SLIT1: variants seen among roughly 807,000 people sequenced by gnomAD.
SLIT1 encodes the protein slit guidance ligand 1, also known as slit homolog 1 protein.
Under a neutral mutation model 186.1 loss-of-function variants are expected in SLIT1, and 66 were observed. That is an observed-to-expected ratio of 0.35 (90% CI 0.29 to 0.44). The LOEUF (loss-of-function observed/expected upper bound fraction) is 0.44, where lower values mean the gene tolerates loss of function less well. SLIT1 is among the 20% of genes least tolerant of loss of function. The pLI, the probability that SLIT1 is intolerant of heterozygous loss-of-function variation, is 1.00. For synonymous variants in SLIT1, 761 were observed against 833.8 expected (o/e 0.91, Z 1.50); for missense variants, 1,638 against 2,037.4 (o/e 0.80, Z 3.77).
At chr10:97,180,540 C>G (rs1272883470) in intron 1 of SLIT1, among the ~76,000 whole-genome samples, 2 of 152,264 alleles carry the variant, frequency 1.3e-5, no homozygotes, top group African/African-American at 2.4e-5. Flanking sequence ...TGCAGACGTT[C>G]AATAGATAGC....
intron 25 of SLIT1, among the ~76,000 whole-genome samples, chr10:97,027,098 C>T (rs1375299345): frequency 6.6e-6 from 1 of 152,178 alleles, no homozygotes; most frequent in Non-Finnish European, 1.5e-5. Flanking sequence ...TTCTCAGTAA[C>T]ATCAGCACCT....
chr10:97,004,897 A>G lies in SLIT1; in HGVS notation c.3580-74T>C, dbSNP rs547629553. Reference sequence around the variant, plus strand: ...GCACAGGCTAGCAGATGGGGCAGAGAGGGCACCCAAGATTGGAAGAGAGAT... The same window carrying G: ...GCACAGGCTAGCAGATGGGGCAGAGGGGGCACCCAAGATTGGAAGAGAGAT... On this transcript the variant is annotated intron_variant, in intron 32 of 36. Transcript: ENST00000266058. The surrounding 1 kb of genome is among the most constrained non-coding windows in gnomAD (Gnocchi z 5.1). The G allele has an allele frequency of 1.0e-5, 16 of 1,563,602 alleles. No individual in the cohort carries two copies. The East Asian group carries it at 1.8e-4, about 18-fold the overall frequency.
chr10:97,087,372 CCAAA>C (rs1183733170), intron 4 of SLIT1, among the ~76,000 whole-genome samples: 7 of 152,360 alleles, frequency 4.6e-5, no homozygotes, highest in African/African-American at 9.6e-5. Flanking sequence ...CCCTGTTCCC[CCAAA>C]CAAACACTTT....
chr10:97,178,963 G>A (rs1850294160), intron 1 of SLIT1, among the ~76,000 whole-genome samples: 1 of 152,108 alleles, frequency 6.6e-6, no homozygotes, highest in African/African-American at 2.4e-5. Flanking sequence ...TCGCCCCTCA[G>A]GGGGTTTTGC....
At chr10:97,141,761 C>CGTATTGCATTGCATTGTATTGTATT (rs1564686539) in intron 4 of SLIT1, among the ~76,000 whole-genome samples, 2 of 148,862 alleles carry the variant, frequency 1.3e-5, no homozygotes, top group Non-Finnish European at 3.0e-5. Context: ...CGTATCGTAT[C>CGTATTGCATTGCATTGTATTGTATT]GTATTGTATC....
chr10:97,117,956 T>C (rs758459207), intron 4 of SLIT1, among the ~76,000 whole-genome samples: 1 of 152,222 alleles, frequency 6.6e-6, no homozygotes, highest in Non-Finnish European at 1.5e-5. Context: ...CAGCCTCAGA[T>C]TCTCAATAAG....
At chr10:97,073,295 C>T (rs1170443472) in intron 4 of SLIT1, among the ~76,000 whole-genome samples, 1 of 152,226 alleles carries the variant, frequency 6.6e-6, no homozygotes, top group Admixed American at 6.5e-5. Flanking sequence ...CTTCCTCAGA[C>T]CCAGTCATTG....
At chr10:97,056,262 C>A (rs971274137) in intron 13 of SLIT1, 59 bp downstream of exon 13, 1 of 1,588,546 alleles carries the variant, frequency 6.3e-7, no homozygotes, top group Non-Finnish European at 8.6e-7. Flanking sequence ...CTGGAGGCTG[C>A]AACCTCCCCC....
At chr10:97,146,784 G>A (rs34170350) in intron 4 of SLIT1, among the ~76,000 whole-genome samples, 19,280 of 152,146 alleles carry the variant, frequency 0.13, 1,280 homozygotes, top group South Asian at 0.18. Flanking sequence ...AGAAATGGGC[G>A]GCGCCCCTTT....
chr10:97,014,906 G>C lies in SLIT1; in HGVS notation c.2970-748C>G, dbSNP rs1465333230. Among the ~76,000 whole-genome samples the C allele has an allele frequency of 4.0e-5, 6 of 151,064 alleles. No homozygotes were observed. In the South Asian group the frequency reaches 1.1e-3, roughly 26 times the overall value. The stretch of plus-strand genomic sequence containing the variant: ...GCCTAGAGTGGAAGGGAACCCCACA[G>C]CTAGTCTTCTATAGGGGCCCTGCCC... On this transcript the variant is annotated intron_variant, in intron 28 of 36. Coordinates refer to ENST00000266058, the MANE Select transcript of SLIT1 (RefSeq NM_003061.3).
intron 32 of SLIT1, among the ~76,000 whole-genome samples, chr10:97,005,412 C>T (rs953998759): frequency 3.3e-5 from 5 of 152,210 alleles, no homozygotes; most frequent in African/African-American, 1.2e-4. Context: ...CTGCTCCCTC[C>T]GTTTCTTCTG....
At position 97,021,457 on chromosome 10, in the gene SLIT1, G is replaced by T. The variant is rs749857888; in HGVS notation, c.2583-44C>A. On this transcript the variant is annotated intron_variant, in intron 25 of 36. Transcript: ENST00000266058. This position sits in a 1 kb window ranked among gnomAD's most constrained non-coding sequence, Gnocchi z 4.5. ...GAAGCAGGCATTACAGCTTCATGGG[G>T]TCCCTCGCCCACTGGGAACCTAGAG... The T allele has an allele frequency of 2.5e-6, 4 of 1,576,420 alleles. No homozygotes were observed. Among genetic ancestry groups the T allele is most frequent in the Non-Finnish European group, 3.5e-6 (4 of 1,157,288 alleles).
At chr10:97,098,658 C>T (rs894692451) in intron 4 of SLIT1, among the ~76,000 whole-genome samples, 1 of 152,170 alleles carries the variant, frequency 6.6e-6, no homozygotes, top group African/African-American at 2.4e-5. Context: ...GCCACAGGAC[C>T]ACTGAAGACT....
chr10:97,081,488 C>A (rs982886833), intron 4 of SLIT1, among the ~76,000 whole-genome samples: 4 of 152,176 alleles, frequency 2.6e-5, no homozygotes, highest in African/African-American at 9.7e-5. Context: ...AAGACCATGC[C>A]CCATTCTTCC....
chr10:97,059,339 G>C (rs1848870083), intron 11 of SLIT1, 121 bp downstream of exon 11: 1 of 783,198 alleles, frequency 1.3e-6, no homozygotes, highest in Non-Finnish European at 2.2e-6. Context: ...GGGTGGGCAG[G>C]GGCTGTGTGG....
intron 4 of SLIT1, among the ~76,000 whole-genome samples, chr10:97,151,672 G>A (rs1343816526): frequency 6.6e-6 from 1 of 152,056 alleles, no homozygotes; most frequent in Non-Finnish European, 1.5e-5. Context: ...TTCACATTTG[G>A]CTTAGCCCCT....
In SLIT1 at chr10:97,011,183, A is replaced by G. The variant is rs571584882; in HGVS notation, c.3204-53T>C. 6.7e-6 allele frequency: 9 copies of G among 1,333,570 alleles called. No homozygotes were observed. In the African/African-American group the frequency reaches 1.1e-4, roughly 17 times the overall value. The allele number at this position is 1,333,570 out of a possible 1,614,324, so 82.6% of individuals were successfully genotyped here. A position where few individuals can be genotyped will look rare whatever the true frequency, so the allele number is the denominator to read the frequency against. On this transcript the variant is annotated intron_variant, in intron 30 of 36. Transcript: ENST00000266058. ...GGGGGTCAGCCACACAGAGTCTGGG[A>G]GGCCAGGGGAGCGCACCAGGGATCC...
At chr10:97,072,197 C>A (rs1391444305) in intron 4 of SLIT1, among the ~76,000 whole-genome samples, 1 of 152,188 alleles carries the variant, frequency 6.6e-6, no homozygotes, top group Admixed American at 6.5e-5. Context: ...CTCACTCTGT[C>A]ACTCAGGCTG....
intron 22 of SLIT1, among the ~76,000 whole-genome samples, chr10:97,037,046 CTTTG>C (rs1394833169): frequency 1.3e-4 from 18 of 133,584 alleles, no homozygotes; most frequent in South Asian, 2.7e-4. Flanking sequence ...GAATAACCCC[CTTTG>C]TGTGTGTGTG....
Sources: allele counts gnomAD v4.1 joint callset (sites outside exome capture counted in the v4.1 genomes callset), GRCh38; gene constraint gnomAD v4.1.1; non-coding constraint Gnocchi (gnomAD v3.1); transcripts MANE v1.5; gene names NCBI Gene and HGNC (gene_info 2026-07-23, HGNC 2026-07-21).